The following CDH8 variants were observed in gnomAD, a reference collection of about 807,000 sequenced individuals.
The protein encoded by CDH8 is cadherin-8.
A neutral mutation model predicts 68.1 loss-of-function variants in CDH8; 17 were observed. That is an observed-to-expected ratio of 0.25 (90% CI 0.17 to 0.37). CDH8 has a LOEUF of 0.37. Ranked by LOEUF, CDH8 falls within the 10% of genes least tolerant of loss-of-function variation. The pLI is 1.00. For missense variants in CDH8, 763 were observed against 999.3 expected (o/e 0.76, Z 3.19); for synonymous variants, 372 against 365.1 (o/e 1.02, Z -0.21).
At chr16:61,768,280 G>A (rs995560213) in intron 8 of CDH8, among the ~76,000 whole-genome samples, 1 of 147,906 alleles carries the variant, frequency 6.8e-6, no homozygotes, top group South Asian at 2.2e-4. Flanking sequence ...GTTCCCGGAA[G>A]AGCACTTCAG....
Position 61,903,514 on chromosome 16 carries a change from A to G in CDH8, c.253-2041T>C, listed in dbSNP as rs186481144. 9.2e-3 allele frequency among the ~76,000 whole-genome samples: 1,408 copies of G among 152,242 alleles called. 19 individuals are homozygous for G. Among genetic ancestry groups the G allele is most frequent in the African/African-American group, 0.032 (1,319 of 41,556 alleles). On this transcript the variant is annotated intron_variant, in intron 2 of 11. Coordinates refer to ENST00000577390, the MANE Select transcript of CDH8 (RefSeq NM_001796.5). ...AATTTTTTGTATTTTTAGTAGAGACAGGGTTTCACTGTGGTCTTGATCTCC... is the reference window on the plus strand; with the variant it reads ...AATTTTTTGTATTTTTAGTAGAGACGGGGTTTCACTGTGGTCTTGATCTCC...
chr16:61,797,155 T>A (rs1295623532), intron 7 of CDH8, among the ~76,000 whole-genome samples: 1 of 152,020 alleles, frequency 6.6e-6, no homozygotes, highest in African/African-American at 2.4e-5. Flanking sequence ...AAGCATCTCC[T>A]ACCTCCTTTC....
At chr16:62,024,524 G>A (rs1324094903) in intron 1 of CDH8, among the ~76,000 whole-genome samples, 2 of 152,114 alleles carry the variant, frequency 1.3e-5, no homozygotes, top group Non-Finnish European at 2.9e-5. Context: ...ATGGACTGTG[G>A]TATGTTGGAT....
chr16:61,678,253 C>T (rs1963951239), intron 10 of CDH8, among the ~76,000 whole-genome samples: 2 of 151,976 alleles, frequency 1.3e-5, no homozygotes, highest in African/African-American at 4.8e-5. Flanking sequence ...TAGGCTGTGC[C>T]CTGATCAACT....
At chr16:61,771,938 T>C (rs1465901353) in intron 8 of CDH8, among the ~76,000 whole-genome samples, 1 of 152,008 alleles carries the variant, frequency 6.6e-6, no homozygotes, top group African/African-American at 2.4e-5. Flanking sequence ...TTCTCCAGCC[T>C]AATGTTACTC....
intron 10 of CDH8, chr16:61,692,679 C>T (rs1350848062): frequency 6.6e-6 from 1 of 151,796 alleles, no homozygotes; most frequent in African/African-American, 2.4e-5. Context: ...TGTAGAAGGC[C>T]CTCTCCCAAA....
chr16:61,927,477 T>C (rs1293456771), intron 2 of CDH8, among the ~76,000 whole-genome samples: 2 of 152,184 alleles, frequency 1.3e-5, no homozygotes, highest in Non-Finnish European at 2.9e-5. Context: ...AATTCTAGAA[T>C]TCTATTTGAA....
intron 8 of CDH8, among the ~76,000 whole-genome samples, chr16:61,745,455 C>G (rs1959997394): frequency 6.6e-6 from 1 of 151,912 alleles, no homozygotes; most frequent in Non-Finnish European, 1.5e-5. Flanking sequence ...TCTTCTCTGG[C>G]CTTCCTCCTC....
At chr16:62,015,870 A>G (rs1464698990) in intron 2 of CDH8, among the ~76,000 whole-genome samples, 1 of 152,180 alleles carries the variant, frequency 6.6e-6, no homozygotes, top group African/African-American at 2.4e-5. Flanking sequence ...AGAACCAACC[A>G]TGCTGGCACC....
At chr16:61,770,685 C>G (rs558128011) in intron 8 of CDH8, among the ~76,000 whole-genome samples, 23 of 152,022 alleles carry the variant, frequency 1.5e-4, no homozygotes, top group African/African-American at 5.5e-4. Flanking sequence ...GGATTGACTG[C>G]GAAGGGCACC....
intron 2 of CDH8, among the ~76,000 whole-genome samples, chr16:61,992,077 T>TGTGTGTGTGTGTGTGTGTGTGTGA (rs34925928): frequency 1.5e-4 from 22 of 144,244 alleles, no homozygotes; most frequent in African/African-American, 5.7e-4. Context: ...TGTGTGTGTG[T>TGTGTGTGTGTGTGTGTGTGTGTGA]GAGAGAGAGA....
At chr16:61,689,241 C>T (rs1170822359) in intron 10 of CDH8, among the ~76,000 whole-genome samples, 1 of 151,950 alleles carries the variant, frequency 6.6e-6, no homozygotes, top group Non-Finnish European at 1.5e-5. Flanking sequence ...CAAAATGATT[C>T]CAGTTTGAAT....
intron 1 of CDH8, among the ~76,000 whole-genome samples, chr16:62,027,693 T>G (rs1045235794): frequency 6.6e-6 from 1 of 152,300 alleles, no homozygotes; most frequent in East Asian, 1.9e-4. Flanking sequence ...ATTCAGTGTG[T>G]GACCCAGAGC....
intron 9 of CDH8, chr16:61,726,828 C>G (rs966993515): frequency 2.1e-6 from 1 of 482,788 alleles, no homozygotes; most frequent in African/African-American, 2.0e-5. Context: ...TCATCCATAT[C>G]CCAAGATATT....
At position 61,901,263 on chromosome 16, in the gene CDH8, T is replaced by C. The variant is rs1963965608; in HGVS notation, c.463A>G (p.Ile155Val). The C allele has an allele frequency of 6.2e-7, 1 of 1,613,934 alleles. No homozygotes were observed. Among genetic ancestry groups the C allele is most frequent in the African/African-American group, 1.3e-5 (1 of 74,944 alleles). The change falls in exon 3 of 12, where the codon ATT becomes GTT. Residue 155 changes from isoleucine (I) to valine (V), a missense_variant. Around this residue, in one of 2 missense-constraint regions of CDH8, gnomAD observed 366 missense variants for 563.1 expected, o/e 0.65. Transcript: ENST00000577390. ...KPLEPPSEFI[I>V]KVQDINDNAP... ...TTGTCATTGATGTCTTGAACTTTAA[T>C]AATAAATTCAGAAGGAGGCTCCAGA...
At chr16:61,958,364 T>C (rs188639951) in intron 2 of CDH8, among the ~76,000 whole-genome samples, 1 of 152,324 alleles carries the variant, frequency 6.6e-6, no homozygotes, top group East Asian at 1.9e-4. Flanking sequence ...AGTATGATGA[T>C]ATGTGGGAAA....
intron 4 of CDH8, among the ~76,000 whole-genome samples, chr16:61,826,023 T>G (rs751467086): frequency 4.6e-5 from 7 of 151,808 alleles, no homozygotes; most frequent in Non-Finnish European, 8.8e-5. Flanking sequence ...AAATCCTTAT[T>G]TAGCTCTCTA....
At chr16:61,848,897 G>A (rs1201379018) in intron 4 of CDH8, among the ~76,000 whole-genome samples, 1 of 151,900 alleles carries the variant, frequency 6.6e-6, no homozygotes, top group Admixed American at 6.6e-5. Flanking sequence ...AATATTTATT[G>A]TAAACTATAT....
intron 10 of CDH8, among the ~76,000 whole-genome samples, chr16:61,685,993 A>G (rs1368156333): frequency 6.6e-6 from 1 of 151,990 alleles, no homozygotes; most frequent in Non-Finnish European, 1.5e-5. Context: ...CTGAGGCTGT[A>G]TTCAGGCTTT....
Sources: allele counts gnomAD v4.1 joint callset (sites outside exome capture counted in the v4.1 genomes callset), GRCh38; gene constraint gnomAD v4.1.1; regional missense constraint gnomAD v4.1.1; transcripts MANE v1.5; gene names NCBI Gene and HGNC (gene_info 2026-07-23, HGNC 2026-07-21).